Variants in NCAM2 observed in about 807,000 individuals in gnomAD.
NCAM2 encodes neural cell adhesion molecule 2, also known as N-CAM-2.
In NCAM2, 30 loss-of-function variants were observed where a neutral mutation model predicts 98.1. The ratio of observed to expected loss-of-function variants is 0.31; its 90% confidence interval spans 0.23 to 0.41. The LOEUF (loss-of-function observed/expected upper bound fraction) is 0.41. Ranked by LOEUF, NCAM2 falls within the 10% of genes least tolerant of loss-of-function variation. The pLI, the probability that NCAM2 is intolerant of heterozygous loss-of-function variation, is 1.00. For synonymous variants in NCAM2, 368 were observed against 342.4 expected (o/e 1.07, Z -0.83); for missense variants, 867 against 1,005.8 (o/e 0.86, Z 1.87).
intron 15 of NCAM2, among the ~76,000 whole-genome samples, chr21:21,480,218 T>A (rs1002839639): frequency 4.0e-5 from 6 of 151,620 alleles, no homozygotes; most frequent in African/African-American, 1.5e-4. Context: ...TACAAAAAAA[T>A]TAGCTGGGCG....
chr21:21,000,406 A>G (rs2063997914), intron 1 of NCAM2, among the ~76,000 whole-genome samples: 1 of 152,206 alleles, frequency 6.6e-6, no homozygotes, highest in African/African-American at 2.4e-5. Context: ...TTATCATTGT[A>G]GAGGCTAAGT....
intron 1 of NCAM2, chr21:21,223,176 G>A (rs201558239): frequency 8.6e-5 from 13 of 152,008 alleles, no homozygotes; most frequent in Non-Finnish European, 1.5e-4. Context: ...ATGTCATATT[G>A]TATTGAATCA....
intron 1 of NCAM2, among the ~76,000 whole-genome samples, chr21:21,094,953 C>G (rs181622232): frequency 5.2e-4 from 79 of 151,812 alleles, no homozygotes; most frequent in Non-Finnish European, 9.6e-4. Context: ...TTAAGTTCCT[C>G]TGAACATTGA....
intron 1 of NCAM2, among the ~76,000 whole-genome samples, chr21:21,171,697 G>A (rs559051884): frequency 6.6e-6 from 1 of 152,222 alleles, no homozygotes; most frequent in South Asian, 2.1e-4. Flanking sequence ...GGTGGGCAAA[G>A]AAACAAAACA....
At chr21:21,309,880 A>G (rs1304340183) in intron 5 of NCAM2, among the ~76,000 whole-genome samples, 2 of 152,134 alleles carry the variant, frequency 1.3e-5, no homozygotes, top group African/African-American at 2.4e-5. Context: ...GAATGATTTC[A>G]TTGACTGATT....
At chr21:21,076,818 T>C (rs2065690825) in intron 1 of NCAM2, among the ~76,000 whole-genome samples, 1 of 152,216 alleles carries the variant, frequency 6.6e-6, no homozygotes, top group Admixed American at 6.5e-5. Context: ...AAGAATCCAA[T>C]AAGCCATTTA....
At chr21:21,321,577 T>C (rs906346366) in intron 5 of NCAM2, among the ~76,000 whole-genome samples, 3 of 152,200 alleles carry the variant, frequency 2.0e-5, no homozygotes, top group African/African-American at 7.2e-5. Context: ...TTAATCCATC[T>C]TAAGTTAATC....
At chr21:21,025,185 A>G (rs1276361948) in intron 1 of NCAM2, among the ~76,000 whole-genome samples, 3 of 151,736 alleles carry the variant, frequency 2.0e-5, no homozygotes, top group Non-Finnish European at 4.4e-5. Flanking sequence ...TCCCGGGTTC[A>G]TGCCATTCTC....
intron 12 of NCAM2, among the ~76,000 whole-genome samples, chr21:21,452,965 TATATA>T (rs1981478573): frequency 3.2e-5 from 1 of 31,564 alleles, no homozygotes; most frequent in Admixed American, 4.8e-4. Flanking sequence ...TATTATATAT[TATATA>T]TTATTATATA....
intron 5 of NCAM2, among the ~76,000 whole-genome samples, chr21:21,316,407 A>T (rs977129082): frequency 6.6e-6 from 1 of 152,138 alleles, no homozygotes; most frequent in African/African-American, 2.4e-5. Flanking sequence ...ACTTGCCAAA[A>T]TTGAAACACC....
intron 8 of NCAM2, among the ~76,000 whole-genome samples, chr21:21,373,617 T>C (rs1231097507): frequency 2.0e-5 from 3 of 151,752 alleles, no homozygotes; most frequent in Non-Finnish European, 4.4e-5. Flanking sequence ...TTGGAGTCAT[T>C]GAAATGCTTT....
At chr21:21,522,797 A>G (rs1056178547) in intron 16 of NCAM2, among the ~76,000 whole-genome samples, 3 of 151,602 alleles carry the variant, frequency 2.0e-5, no homozygotes, top group East Asian at 3.9e-4. Flanking sequence ...ACGCCTGGCT[A>G]ATTTTTGTAT....
intron 1 of NCAM2, among the ~76,000 whole-genome samples, chr21:21,066,094 T>A (rs77781484): frequency 0.037 from 5,635 of 152,198 alleles, 324 homozygotes; most frequent in African/African-American, 0.13. Context: ...GGACGATACT[T>A]CTTCATGGGA....
intron 1 of NCAM2, among the ~76,000 whole-genome samples, chr21:21,255,353 A>G (rs2071628375): frequency 6.6e-6 from 1 of 152,184 alleles, no homozygotes; most frequent in South Asian, 2.1e-4. Flanking sequence ...GCCTCCCAGG[A>G]TCTAAGGCTG....
intron 1 of NCAM2, among the ~76,000 whole-genome samples, chr21:21,075,586 C>G (rs1303421340): frequency 2.0e-5 from 3 of 152,018 alleles, no homozygotes; most frequent in Non-Finnish European, 1.5e-5. Flanking sequence ...TATGTTGTTA[C>G]CTGTAGAGTT....
At chr21:21,275,386 G>A (rs941574015) in intron 1 of NCAM2, among the ~76,000 whole-genome samples, 1 of 151,730 alleles carries the variant, frequency 6.6e-6, no homozygotes, top group Non-Finnish European at 1.5e-5. Context: ...CTTGCAGTGA[G>A]CTGAGATCAT....
intron 9 of NCAM2, among the ~76,000 whole-genome samples, chr21:21,375,628 T>C (rs1039754615): frequency 6.6e-6 from 1 of 151,782 alleles, no homozygotes; most frequent in Non-Finnish European, 1.5e-5. Flanking sequence ...CATTAGCAAA[T>C]TATAAATACT....
chr21:21,146,585 A>C (rs2067281724), intron 1 of NCAM2, among the ~76,000 whole-genome samples: 1 of 147,820 alleles, frequency 6.8e-6, no homozygotes, highest in South Asian at 2.1e-4. Flanking sequence ...GGATTATATA[A>C]AATACGTGTA....
At chr21:21,374,038 C>A (rs1009993938) in intron 9 of NCAM2, 25 bp downstream of exon 9, 2 of 1,588,992 alleles carry the variant, frequency 1.3e-6, no homozygotes, top group Non-Finnish European at 1.7e-6. Context: ...TTTGTATTTT[C>A]ATTAAAATAA....
Sources: allele counts gnomAD v4.1 joint callset (sites outside exome capture counted in the v4.1 genomes callset), GRCh38; gene constraint gnomAD v4.1.1; transcripts MANE v1.5; gene names NCBI Gene and HGNC (gene_info 2026-07-23, HGNC 2026-07-21).